Variants in CAMK2B observed in about 807,000 individuals in gnomAD.
The protein encoded by CAMK2B is calcium/calmodulin dependent protein kinase II beta.
Under a neutral mutation model 93.7 loss-of-function variants are expected in CAMK2B, and 27 were observed. The ratio of observed to expected loss-of-function variants is 0.29; its 90% CI spans 0.21 to 0.40. CAMK2B has a LOEUF of 0.40. Ranked by LOEUF, CAMK2B falls within the 10% of genes least tolerant of loss-of-function variation. The probability of loss-of-function intolerance (pLI) is 1.00; values close to 1 mark genes in which losing one functional copy is unlikely to be tolerated. For synonymous variants in CAMK2B, 374 were observed against 358.8 expected (o/e 1.04, Z -0.48); for missense variants, 568 against 895.8 (o/e 0.63, Z 4.67).
intron 2 of CAMK2B, among the ~76,000 whole-genome samples, chr7:44,280,865 G>A (rs761580025): frequency 2.0e-5 from 3 of 152,292 alleles, no homozygotes; most frequent in Non-Finnish European, 4.4e-5. Context: ...CAGGTGAAAC[G>A]CCCATGTGGC....
chr7:44,265,171 T>C (rs770788059), intron 2 of CAMK2B, among the ~76,000 whole-genome samples: 40 of 152,226 alleles, frequency 2.6e-4, no homozygotes, highest in Non-Finnish European at 5.1e-4. Flanking sequence ...ACAATCTCCC[T>C]GCCCCGCCCC....
intron 1 of CAMK2B, among the ~76,000 whole-genome samples, chr7:44,298,048 C>T (rs1348818665): frequency 6.6e-6 from 1 of 152,120 alleles, no homozygotes; most frequent in African/African-American, 2.4e-5. Flanking sequence ...CACTTGAACC[C>T]GGAAGGTGGA....
chr7:44,232,838 G>A lies in CAMK2B; in HGVS notation c.1160C>T (p.Pro387Leu). ...GGGCAGTACCTTAATCCCGTCCACT[G>A]GGTTATGGATGACGGTGGTTTGAGG... ...LEPQTTVIHNPVDGIKESSDS... is the reference protein window; with the variant it reads ...LEPQTTVIHNLVDGIKESSDS... Residue 387 changes from proline (P) to leucine (L), a missense_variant, in exon 16 of 24, where the codon CCA becomes CTA. Physicochemically the swap from Pro to Leu is moderately conservative, Grantham distance 98 (BLOSUM62 -3). This residue lies in a region of CAMK2B where 308 missense variants were observed against 292.1 expected (regional missense o/e 1.05). Coordinates refer to ENST00000395749, the MANE Select transcript of CAMK2B (RefSeq NM_001220.5). 6.2e-7 allele frequency: 1 copy of A among 1,614,070 alleles called. No individual in the cohort carries two copies. The highest frequency in any genetic ancestry group is 8.5e-7 in the Non-Finnish European group (1 of 1,179,940).
chr7:44,322,715 G>C (rs1269158995), intron 1 of CAMK2B, among the ~76,000 whole-genome samples: 1 of 152,212 alleles, frequency 6.6e-6, no homozygotes, highest in African/African-American at 2.4e-5. Flanking sequence ...TTGGCTGGCT[G>C]ACCCTGCTGC....
At chr7:44,299,394 C>T (rs1789258264) in intron 1 of CAMK2B, among the ~76,000 whole-genome samples, 1 of 152,046 alleles carries the variant, frequency 6.6e-6, no homozygotes, top group Non-Finnish European at 1.5e-5. Context: ...AAGGGGAAGT[C>T]AGTTTTTAGT....
intron 2 of CAMK2B, among the ~76,000 whole-genome samples, chr7:44,264,577 A>G (rs2096907433): frequency 6.6e-6 from 1 of 152,206 alleles, no homozygotes; most frequent in African/African-American, 2.4e-5. Flanking sequence ...CAGAGCCTCC[A>G]GGTGGCATGG....
intron 20 of CAMK2B, 45 bp from the exon 21 acceptor site, chr7:44,220,946 C>A (rs372223251): frequency 5.4e-6 from 8 of 1,486,074 alleles, no homozygotes; most frequent in Non-Finnish European, 7.3e-6. Flanking sequence ...CTGGCCCATT[C>A]CCCCCGGACC....
intron 19 of CAMK2B, 77 bp from the exon 20 acceptor site, chr7:44,226,721 C>T: frequency 5.2e-6 from 6 of 1,150,676 alleles, no homozygotes; most frequent in Admixed American, 8.2e-5. Context: ...GGCAGACAGC[C>T]AAGCCAGAGA....
Position 44,225,591 on chromosome 7 carries a change from G to A in CAMK2B, c.1597+925C>T, listed in dbSNP as rs1003501774. On this transcript the variant is annotated intron_variant, in intron 20 of 23. Coordinates refer to ENST00000395749, the MANE Select transcript of CAMK2B (RefSeq NM_001220.5). The surrounding 1 kb of genome is among the most constrained non-coding windows in gnomAD (Gnocchi z 5.0). The stretch of plus-strand genomic sequence containing the variant: ...CCCCCTGCTCTCTCGGGCACCCAGG[G>A]TGGATCCAGTGCCCCTTTGAGCCTG... Among the ~76,000 whole-genome samples, 3 of 152,162 alleles carry A rather than the reference G, an allele frequency of 2.0e-5. No homozygotes were observed. Among genetic ancestry groups the A allele is most frequent in the African/African-American group, 4.8e-5 (2 of 41,530 alleles).
chr7:44,233,140 G>A (rs895649315), intron 15 of CAMK2B, among the ~76,000 whole-genome samples: 8 of 152,202 alleles, frequency 5.3e-5, no homozygotes, highest in South Asian at 4.1e-4. Flanking sequence ...GACCGTGTGG[G>A]GCCCCGACAA....
chr7:44,307,711 T>C (rs1792296102), intron 1 of CAMK2B, among the ~76,000 whole-genome samples: 1 of 152,070 alleles, frequency 6.6e-6, no homozygotes, highest in African/African-American at 2.4e-5. Context: ...GGTGGCCCAT[T>C]AGCCTAGGGC....
intron 19 of CAMK2B, 28 bp from the exon 20 acceptor site, chr7:44,226,672 A>G (rs2096484060): frequency 6.0e-6 from 9 of 1,511,972 alleles, no homozygotes; most frequent in Non-Finnish European, 7.9e-6. Context: ...AGACGTGAAC[A>G]CAAGGCAGGC....
intron 6 of CAMK2B, 44 bp downstream of exon 6, chr7:44,247,076 G>A (rs368782549): frequency 6.6e-7 from 1 of 1,504,876 alleles, no homozygotes; most frequent in Non-Finnish European, 9.2e-7. Context: ...CAGCATGCAG[G>A]TACAGACAAC....
intron 2 of CAMK2B, chr7:44,268,122 T>A (rs541047985): frequency 6.6e-6 from 1 of 152,412 alleles, no homozygotes; most frequent in African/African-American, 2.4e-5. Context: ...GCTGAGCTCA[T>A]CTTACAGCAG....
At chr7:44,258,398 C>T (rs993040337) in intron 4 of CAMK2B, among the ~76,000 whole-genome samples, 4 of 152,192 alleles carry the variant, frequency 2.6e-5, no homozygotes, top group African/African-American at 4.8e-5. Context: ...TGTGCTCACG[C>T]GCCCCCACGT....
At chr7:44,249,936 A>T (rs2096764574) in intron 5 of CAMK2B, among the ~76,000 whole-genome samples, 1 of 151,978 alleles carries the variant, frequency 6.6e-6, no homozygotes, top group Non-Finnish European at 1.5e-5. Context: ...AATGCCAGAG[A>T]CGGGGACTAT....
intron 16 of CAMK2B, among the ~76,000 whole-genome samples, chr7:44,232,203 T>G (rs1302793145): frequency 6.6e-6 from 1 of 152,112 alleles, no homozygotes; most frequent in African/African-American, 2.4e-5. Context: ...AGAGGCACTC[T>G]GGGGCTCTGT....
At chr7:44,308,402 G>A (rs547035716) in intron 1 of CAMK2B, among the ~76,000 whole-genome samples, 43 of 152,152 alleles carry the variant, frequency 2.8e-4, no homozygotes, top group African/African-American at 8.9e-4. Context: ...GTGTGGTGGC[G>A]CCCAGCATGG....
intron 1 of CAMK2B, among the ~76,000 whole-genome samples, chr7:44,292,658 A>G (rs1787182931): frequency 6.6e-6 from 1 of 152,186 alleles, no homozygotes; most frequent in Non-Finnish European, 1.5e-5. Flanking sequence ...ACCTCCAAGA[A>G]GGGAGTATGA....
Sources: allele counts gnomAD v4.1 joint callset (sites outside exome capture counted in the v4.1 genomes callset), GRCh38; gene constraint gnomAD v4.1.1; regional missense constraint gnomAD v4.1.1; non-coding constraint Gnocchi (gnomAD v3.1); transcripts MANE v1.5; gene names NCBI Gene and HGNC (gene_info 2026-07-23, HGNC 2026-07-21).